FRMD5: variants seen among roughly 807,000 people sequenced by gnomAD.
The protein encoded by FRMD5 is FERM domain-containing protein 5.
Under a neutral mutation model 69.0 loss-of-function variants are expected in FRMD5, and 20 were observed. The observed-to-expected ratio is 0.29, with a 90% confidence interval of 0.20 to 0.42. The LOEUF (loss-of-function observed/expected upper bound fraction) is 0.42, where lower values mean the gene tolerates loss of function less well. Among genes scored for constraint, FRMD5 ranks in the 10% least tolerant of loss-of-function variants. The pLI is 1.00. For missense variants in FRMD5, 595 were observed against 708.6 expected, an observed-to-expected ratio of 0.84 and a Z score of 1.82; for synonymous variants, 271 against 260.1, an observed-to-expected ratio of 1.04 and a Z score of -0.40.
At chr15:44,062,886 T>G (rs559696188) in intron 1 of FRMD5, among the ~76,000 whole-genome samples, 2 of 152,102 alleles carry the variant, frequency 1.3e-5, no homozygotes, top group Non-Finnish European at 2.9e-5. Context: ...ATCCAATTTT[T>G]CCTTGGTACC....
chr15:44,102,666 G>A (rs1437985582), intron 1 of FRMD5, among the ~76,000 whole-genome samples: 5 of 152,158 alleles, frequency 3.3e-5, no homozygotes. Context: ...GAACAAAAGG[G>A]TAAGGGCTCA....
chr15:44,050,246 G>C, intron 1 of FRMD5, among the ~76,000 whole-genome samples: 1 of 152,190 alleles, frequency 6.6e-6, no homozygotes, highest in East Asian at 1.9e-4. Flanking sequence ...AAAAAAGAGA[G>C]TGGTTACATC....
At chr15:44,082,294 A>C (rs1894029025) in intron 1 of FRMD5, among the ~76,000 whole-genome samples, 1 of 152,130 alleles carries the variant, frequency 6.6e-6, no homozygotes, top group East Asian at 1.9e-4. Flanking sequence ...CTGCACTGGC[A>C]AAACCAAACT....
intron 13 of FRMD5, among the ~76,000 whole-genome samples, chr15:43,882,515 C>T (rs1293573598): frequency 2.0e-5 from 3 of 152,032 alleles, no homozygotes; most frequent in African/African-American, 7.2e-5. Context: ...TGCATCACCA[C>T]ACCTGGTTAA....
intron 1 of FRMD5, among the ~76,000 whole-genome samples, chr15:44,022,305 C>T (rs768795106): frequency 3.3e-5 from 5 of 150,444 alleles, no homozygotes; most frequent in South Asian, 2.1e-4. Context: ...GTTGCTCATG[C>T]GTGTAATCCA....
At chr15:44,054,261 T>C (rs894940491) in intron 1 of FRMD5, among the ~76,000 whole-genome samples, 39 of 152,188 alleles carry the variant, frequency 2.6e-4, no homozygotes, top group Admixed American at 2.4e-3. Context: ...CAGGTGAAAA[T>C]GAGGCATTGA....
chr15:43,906,702 C>T (rs28685813), intron 5 of FRMD5, among the ~76,000 whole-genome samples: 38 of 149,400 alleles, frequency 2.5e-4, no homozygotes, highest in African/African-American at 8.2e-4. Context: ...CCTGGGTTCA[C>T]GCCATTCTCC....
chr15:44,028,777 A>G (rs1024224176), intron 1 of FRMD5, among the ~76,000 whole-genome samples: 21 of 152,146 alleles, frequency 1.4e-4, no homozygotes, highest in African/African-American at 5.1e-4. Flanking sequence ...ACTAAAGTGG[A>G]TGAGGGACCT....
intron 1 of FRMD5, among the ~76,000 whole-genome samples, chr15:43,929,331 C>G (rs1391624344): frequency 6.6e-5 from 10 of 152,202 alleles, no homozygotes; most frequent in Admixed American, 3.3e-4. Flanking sequence ...TTTAACCCAT[C>G]ATGGATGAGG....
At chr15:44,046,847 T>A (rs1893379787) in intron 1 of FRMD5, among the ~76,000 whole-genome samples, 1 of 152,168 alleles carries the variant, frequency 6.6e-6, no homozygotes, top group Non-Finnish European at 1.5e-5. Flanking sequence ...AAACTAGACA[T>A]CCACATAGCC....
chr15:43,873,342 A>G lies in FRMD5; in HGVS notation c.*543T>C. Reference sequence around the variant, plus strand: ...CTTTTTTAAAAGTTCTGGCTGGCAAAAAAAACAAACAAAAAACTAAACAGT... The same window carrying G: ...CTTTTTTAAAAGTTCTGGCTGGCAAGAAAAACAAACAAAAAACTAAACAGT... On this transcript the variant is annotated 3_prime_UTR_variant, in exon 14 of 14. Transcript: ENST00000417257. The G allele has an allele frequency of 6.7e-7, 1 of 1,481,930 alleles. No individual in the cohort carries two copies. Among genetic ancestry groups the G allele is most frequent in the Non-Finnish European group, 8.9e-7 (1 of 1,123,444 alleles). The allele number at this position is 1,481,930 out of a possible 1,614,324, so 91.8% of individuals were successfully genotyped here.
intron 13 of FRMD5, among the ~76,000 whole-genome samples, chr15:43,882,318 C>G (rs1427301598): frequency 6.6e-6 from 1 of 152,090 alleles, no homozygotes; most frequent in Non-Finnish European, 1.5e-5. Flanking sequence ...TATTGAATTT[C>G]CTGAGACAGT....
intron 1 of FRMD5, among the ~76,000 whole-genome samples, chr15:44,042,498 TC>T (rs1374500364): frequency 6.6e-6 from 1 of 152,082 alleles, no homozygotes; most frequent in Non-Finnish European, 1.5e-5. Context: ...TAGGCCAATA[TC>T]CCTGATGAAC....
chr15:44,120,573 G>A lies in FRMD5; in HGVS notation c.102+74380C>T, dbSNP rs148756514. Among the ~76,000 whole-genome samples the A allele has an allele frequency of 2.2e-3, 293 of 132,056 alleles. 2 individuals carry two copies. The highest frequency in any genetic ancestry group is 7.6e-3 in the African/African-American group (277 of 36,210). The allele number at this position is 132,056 out of a possible 152,430, so 86.6% of individuals were successfully genotyped here. ...TTTTGAGACGGAGTCTCGCTCTGTCGCCCAGGCTGGAGTGCAGGAGTGCAA... is the reference window on the plus strand; with the variant it reads ...TTTTGAGACGGAGTCTCGCTCTGTCACCCAGGCTGGAGTGCAGGAGTGCAA... On this transcript the variant is annotated intron_variant, in intron 1 of 13. Coordinates refer to ENST00000417257, the MANE Select transcript of FRMD5 (RefSeq NM_032892.5).
intron 1 of FRMD5, among the ~76,000 whole-genome samples, chr15:44,127,639 T>C (rs1197726508): frequency 2.6e-5 from 4 of 152,096 alleles, no homozygotes; most frequent in South Asian, 4.1e-4. Flanking sequence ...TTTGGGAAAC[T>C]GAAGCGAGAG....
intron 1 of FRMD5, among the ~76,000 whole-genome samples, chr15:43,925,708 A>G (rs958975376): frequency 1.3e-5 from 2 of 152,030 alleles, no homozygotes; most frequent in Non-Finnish European, 2.9e-5. Flanking sequence ...CATTTTCCTC[A>G]CTACACTTCA....
At chr15:44,130,205 G>T (rs1419537214) in intron 1 of FRMD5, among the ~76,000 whole-genome samples, 1 of 152,176 alleles carries the variant, frequency 6.6e-6, no homozygotes, top group Non-Finnish European at 1.5e-5. Flanking sequence ...CTATTACCCT[G>T]TGCAAGGTGA....
intron 1 of FRMD5, among the ~76,000 whole-genome samples, chr15:44,154,301 AGAGT>A (rs553324836): frequency 6.0e-4 from 91 of 152,286 alleles, no homozygotes; most frequent in African/African-American, 2.1e-3. Flanking sequence ...AGCCTCAGTG[AGAGT>A]GAGTCTCAAA....
chr15:44,086,396 A>G (rs1213723347), intron 1 of FRMD5, among the ~76,000 whole-genome samples: 1 of 152,258 alleles, frequency 6.6e-6, no homozygotes, highest in Non-Finnish European at 1.5e-5. Flanking sequence ...GGAATAAAGT[A>G]TTAATACTTG....
Sources: gnomAD v4.1 joint callset for allele counts (sites outside exome capture counted in the v4.1 genomes callset) on GRCh38, gnomAD v4.1.1 for gene constraint, MANE v1.5 for transcripts, NCBI Gene and HGNC (gene_info 2026-07-23, HGNC 2026-07-21) for gene names.